The following MCTP1 variants were observed in gnomAD, a reference collection of about 807,000 sequenced individuals.
MCTP1 encodes multiple C2 and transmembrane domain-containing protein 1.
MCTP1 carries 69 observed loss-of-function variants against 120.6 expected under a neutral mutation model. That is an observed-to-expected ratio of 0.57 (90% CI 0.47 to 0.70). The LOEUF is 0.70. MCTP1 is among the 30% of genes least tolerant of loss of function. The probability of loss-of-function intolerance (pLI) is 0.00; values close to 1 mark genes in which losing one functional copy is unlikely to be tolerated. For synonymous variants in MCTP1, 529 were observed against 493.1 expected (o/e 1.07, Z -0.96); for missense variants, 1,203 against 1,248.8 (o/e 0.96, Z 0.55).
intron 1 of MCTP1, among the ~76,000 whole-genome samples, chr5:95,045,808 C>T (rs1843039176): frequency 6.6e-6 from 1 of 152,122 alleles, no homozygotes; most frequent in Non-Finnish European, 1.5e-5. Flanking sequence ...TAAGAGTGCT[C>T]CTTCTGTATT....
chr5:94,813,116 CT>C (rs2153072765), intron 17 of MCTP1, among the ~76,000 whole-genome samples: 1 of 152,122 alleles, frequency 6.6e-6, no homozygotes, highest in Non-Finnish European at 1.5e-5. Context: ...ATGTAGAGTA[CT>C]TAATACGAAG....
intron 1 of MCTP1, among the ~76,000 whole-genome samples, chr5:95,180,199 T>C (rs964827048): frequency 6.6e-6 from 1 of 152,082 alleles, no homozygotes; most frequent in Admixed American, 6.5e-5. Flanking sequence ...ACAACAATAG[T>C]GGGGGACTTG....
intron 1 of MCTP1, among the ~76,000 whole-genome samples, chr5:95,055,554 C>T (rs1016240572): frequency 6.6e-6 from 1 of 152,086 alleles, no homozygotes; most frequent in African/African-American, 2.4e-5. Flanking sequence ...ATGTCCAAGC[C>T]CACGTAATTA....
chr5:94,955,147 C>T (rs1822232113), intron 2 of MCTP1, among the ~76,000 whole-genome samples: 1 of 152,100 alleles, frequency 6.6e-6, no homozygotes, highest in African/African-American at 2.4e-5. Context: ...CACTGCCTCA[C>T]CCAGGAAGTG....
At chr5:94,863,332 T>TA (rs965213190) in intron 17 of MCTP1, among the ~76,000 whole-genome samples, 8 of 150,946 alleles carry the variant, frequency 5.3e-5, no homozygotes, top group East Asian at 2.0e-4. Context: ...CTGCTAGCGC[T>TA]AAAAAAAAAT....
intron 1 of MCTP1, among the ~76,000 whole-genome samples, chr5:95,273,529 T>C (rs1272689212): frequency 6.6e-6 from 1 of 152,218 alleles, no homozygotes; most frequent in Admixed American, 6.5e-5. Context: ...AACAGGTATA[T>C]GTAGGAGGTT....
At chr5:94,959,741 T>A (rs1011927227) in intron 2 of MCTP1, among the ~76,000 whole-genome samples, 1 of 152,152 alleles carries the variant, frequency 6.6e-6, no homozygotes, top group African/African-American at 2.4e-5. Context: ...CAAAGAGAAC[T>A]ACAAACCACT....
At position 94,960,209 on chromosome 5, in the gene MCTP1, C is replaced by T. The variant is rs1581583647; in HGVS notation, c.839-6848G>A. 1.3e-5 allele frequency among the ~76,000 whole-genome samples: 2 copies of T among 152,132 alleles called. 1 individual carries two copies. The highest frequency in any genetic ancestry group is 4.8e-5 in the African/African-American group (2 of 41,418). ...TAATACATGGTGTTGGGAAAACTGG[C>T]TAGCCATATGAAGAAAACTGAAACT... On this transcript the variant is annotated intron_variant, in intron 2 of 22. Coordinates refer to ENST00000515393, the MANE Select transcript of MCTP1 (RefSeq NM_024717.7).
At chr5:95,014,098 C>CA (rs200329781) in intron 2 of MCTP1, among the ~76,000 whole-genome samples, 2,419 of 150,816 alleles carry the variant, frequency 0.016, 59 homozygotes, top group African/African-American at 0.056. Context: ...ACATCTCTAC[C>CA]AAAAAAAAGA....
chr5:94,805,456 G>T (rs753849916), intron 17 of MCTP1, among the ~76,000 whole-genome samples: 1 of 151,902 alleles, frequency 6.6e-6, no homozygotes, highest in Non-Finnish European at 1.5e-5. Context: ...GCGAGACCTC[G>T]TCTCTACTAA....
At chr5:94,732,500 C>A (rs1241137858) in intron 19 of MCTP1, among the ~76,000 whole-genome samples, 1 of 152,098 alleles carries the variant, frequency 6.6e-6, no homozygotes, top group Non-Finnish European at 1.5e-5. Flanking sequence ...ATTTAAGAAA[C>A]TTTTTAGCTG....
chr5:94,817,646 G>A (rs532976817), intron 17 of MCTP1, among the ~76,000 whole-genome samples: 1 of 152,262 alleles, frequency 6.6e-6, no homozygotes, highest in East Asian at 1.9e-4. Flanking sequence ...GTATATTGTA[G>A]TTGTACTAAT....
chr5:95,268,565 T>A (rs111347126), intron 1 of MCTP1, among the ~76,000 whole-genome samples: 5 of 152,108 alleles, frequency 3.3e-5, no homozygotes, highest in East Asian at 3.9e-4. Flanking sequence ...AAGATTTGGC[T>A]GAAGGCAGCT....
At chr5:94,954,444 C>T (rs1020220311) in intron 2 of MCTP1, among the ~76,000 whole-genome samples, 1 of 151,866 alleles carries the variant, frequency 6.6e-6, no homozygotes. Flanking sequence ...GAAATACCAT[C>T]TATTTGGTAC....
chr5:95,180,495 TG>T (rs2152513431), intron 1 of MCTP1, among the ~76,000 whole-genome samples: 1 of 152,352 alleles, frequency 6.6e-6, no homozygotes, highest in Non-Finnish European at 1.5e-5. Context: ...TACTAAAATT[TG>T]GTTTCTGGGC....
At chr5:95,257,872 C>T (rs1287534757) in intron 1 of MCTP1, among the ~76,000 whole-genome samples, 2 of 146,966 alleles carry the variant, frequency 1.4e-5, no homozygotes, top group Admixed American at 6.8e-5. Context: ...GAAATGAAAG[C>T]GTTCCCAATG....
intron 2 of MCTP1, among the ~76,000 whole-genome samples, chr5:94,989,609 A>G (rs1338235225): frequency 6.6e-6 from 1 of 152,142 alleles, no homozygotes; most frequent in East Asian, 1.9e-4. Context: ...CTGGAGTGGT[A>G]AGTGTCTCTT....
Position 94,918,986 on chromosome 5 carries a change from A to G in MCTP1, c.1273-1013T>C, listed in dbSNP as rs469061. Among the ~76,000 whole-genome samples the G allele has an allele frequency of 8.6e-4, 130 of 151,946 alleles. 1 individual carries two copies. The highest frequency in any genetic ancestry group is 1.6e-3 in the Non-Finnish European group (106 of 67,998). On this transcript the variant is annotated intron_variant, in intron 7 of 22. Coordinates refer to ENST00000515393, the MANE Select transcript of MCTP1 (RefSeq NM_024717.7). ...GACCTAATCAATGATTTCCACCCCC[A>G]ACCCATGTCTCCCTTTTTTTGACAG... is the stretch of plus-strand genomic sequence containing the variant.
At chr5:94,922,482 G>A (rs1462354930) in intron 7 of MCTP1, among the ~76,000 whole-genome samples, 1 of 150,750 alleles carries the variant, frequency 6.6e-6, no homozygotes, top group East Asian at 1.9e-4. Context: ...AGTGTGCCAT[G>A]TATATTCCCC....
Sources: allele counts gnomAD v4.1 joint callset (sites outside exome capture counted in the v4.1 genomes callset), GRCh38; gene constraint gnomAD v4.1.1; transcripts MANE v1.5; gene names NCBI Gene and HGNC (gene_info 2026-07-23, HGNC 2026-07-21).